Variants in CACNA1E observed in about 807,000 individuals in gnomAD.
CACNA1E encodes the protein voltage-dependent R-type calcium channel subunit alpha-1E.
In CACNA1E, 40 loss-of-function variants were observed where a neutral mutation model predicts 259.2. That is an observed-to-expected ratio of 0.15 (90% CI 0.12 to 0.20). The LOEUF (loss-of-function observed/expected upper bound fraction) is 0.20, where lower values mean the gene tolerates loss of function less well. CACNA1E is among the 10% of genes least tolerant of loss of function. CACNA1E has a pLI of 1.00. For synonymous variants in CACNA1E, 1,104 were observed against 1,138.5 expected, an observed-to-expected ratio of 0.97 and a Z score of 0.61; for missense variants, 1,874 against 3,040.1, an observed-to-expected ratio of 0.62 and a Z score of 9.02.
chr1:181,779,103 T>G (rs1168454346), intron 38 of CACNA1E, among the ~76,000 whole-genome samples: 1 of 152,220 alleles, frequency 6.6e-6, no homozygotes, highest in Non-Finnish European at 1.5e-5. Flanking sequence ...CATTTGTGAA[T>G]TGGCAGGCTT....
chr1:181,336,931 A>G (rs111738701), intron 1 of CACNA1E, among the ~76,000 whole-genome samples: 3 of 37,996 alleles, frequency 7.9e-5, no homozygotes, highest in Non-Finnish European at 2.0e-4. Context: ...ATATAATGTC[A>G]TATCTATTAC....
chr1:181,697,557 A>G (rs1366554504), intron 7 of CACNA1E, among the ~76,000 whole-genome samples: 1 of 152,226 alleles, frequency 6.6e-6, no homozygotes, highest in Non-Finnish European at 1.5e-5. Context: ...GTGCTTTTCA[A>G]ACTATCCGTG....
intron 1 of CACNA1E, among the ~76,000 whole-genome samples, chr1:181,380,194 C>T (rs1258767092): frequency 6.6e-6 from 1 of 151,764 alleles, no homozygotes; most frequent in African/African-American, 2.4e-5. Context: ...AAATACCGCA[C>T]TTGAAAGAGG....
chr1:181,621,542 A>C (rs1655718958), intron 6 of CACNA1E, among the ~76,000 whole-genome samples: 1 of 152,236 alleles, frequency 6.6e-6, no homozygotes, highest in Admixed American at 6.5e-5. Flanking sequence ...AAAATTCAAC[A>C]GTAATAATCC....
At chr1:181,482,772 C>T (rs952850345), upstream of CACNA1E, among the ~76,000 whole-genome samples, 2 of 152,264 alleles carry the variant, frequency 1.3e-5, no homozygotes, top group Non-Finnish European at 2.9e-5. Context: ...TGCCAGGCCG[C>T]CGCGAGGCTC....
intron 17 of CACNA1E, 83 bp from the exon 18 acceptor site, chr1:181,725,982 A>C: frequency 1.2e-6 from 1 of 859,784 alleles, no homozygotes; most frequent in South Asian, 1.5e-5. Context: ...TGGTATTCAG[A>C]ACTCCTCCTT....
chr1:181,371,005 G>T (rs1654668403), intron 1 of CACNA1E, among the ~76,000 whole-genome samples: 1 of 152,040 alleles, frequency 6.6e-6, no homozygotes, highest in African/African-American at 2.4e-5. Flanking sequence ...GTTTTGATTT[G>T]CATTTCTCTA....
chr1:181,595,062 T>G (rs1487527607), intron 6 of CACNA1E, among the ~76,000 whole-genome samples: 1 of 152,230 alleles, frequency 6.6e-6, no homozygotes, highest in Non-Finnish European at 1.5e-5. Context: ...AAAATATTGT[T>G]AGGATATTTC....
chr1:181,465,884 G>A (rs1247669054), intron 2 of CACNA1E, among the ~76,000 whole-genome samples: 1 of 151,930 alleles, frequency 6.6e-6, no homozygotes, highest in Non-Finnish European at 1.5e-5. Flanking sequence ...CCATGGAAAT[G>A]CAGTGTACTC....
rs189792952 is a variant in CACNA1E, at chr1:181,750,485, G to A, written c.3729G>A (p.Leu1243=). 66 of 1,613,082 alleles carry A rather than the reference G, an allele frequency of 4.1e-5. No homozygotes were observed. The highest frequency in any genetic ancestry group is 5.3e-5 in the Non-Finnish European group (63 of 1,179,296). The change falls in exon 26 of 48, where the codon TTG becomes TTA. Residue 1243 remains leucine (L), a splice_region_variant and synonymous_variant. Coordinates refer to ENST00000367573, the MANE Select transcript of CACNA1E (RefSeq NM_001205293.3). ...ALVAFALANA[L]GTNKGRDIKT... is the part of the protein sequence containing the mutation. The stretch of plus-strand genomic sequence containing the variant: ...ATTGGATCCTCCATAGGAACGCTTT[G>A]GGGTAAATATGTTCGATTATCTTTG...
chr1:181,585,564 T>C (rs1390233275), intron 6 of CACNA1E, among the ~76,000 whole-genome samples: 1 of 152,114 alleles, frequency 6.6e-6, no homozygotes, highest in Non-Finnish European at 1.5e-5. Context: ...TGATAGATGC[T>C]GTGGAGAAAA....
intron 1 of CACNA1E, among the ~76,000 whole-genome samples, chr1:181,378,717 A>T (rs1655263759): frequency 6.6e-6 from 1 of 152,238 alleles, no homozygotes; most frequent in Non-Finnish European, 1.5e-5. Context: ...TATTCTCAGT[A>T]GGCTGACTGG....
rs34600959 is a variant in CACNA1E at position 181,790,307 on chromosome 1, T to TTTTA, written c.5787-138_5787-137insTTTA. The stretch of plus-strand genomic sequence containing the variant: ...TTCTAGTGCTTTTTTTTTTTTTTTT[T>TTTTA]AATTTCAGGACTAGCCACATGTAAG... On this transcript the variant is annotated intron_variant, in intron 43 of 47. Transcript: ENST00000367573. 2.4e-3 allele frequency: 1,066 copies of TTTTA among 437,064 alleles called. 3 individuals carry two copies. Among genetic ancestry groups the TTTTA allele is most frequent in the African/African-American group, 0.012 (596 of 48,654 alleles). 27.1% of individuals were successfully genotyped at this position (437,064 alleles called of 1,614,324 possible).
chr1:181,788,639 G>C (rs1037356028), intron 43 of CACNA1E, among the ~76,000 whole-genome samples: 1 of 152,172 alleles, frequency 6.6e-6, no homozygotes, highest in African/African-American at 2.4e-5. Flanking sequence ...AGTTCAGGGA[G>C]CAAAGGGGAA....
chr1:181,346,828 G>A (rs1005053122), intron 1 of CACNA1E, among the ~76,000 whole-genome samples: 6 of 152,130 alleles, frequency 3.9e-5, no homozygotes, highest in Non-Finnish European at 7.4e-5. Flanking sequence ...ATACTGGGAC[G>A]AAGTAGCTGC....
intron 12 of CACNA1E, among the ~76,000 whole-genome samples, chr1:181,718,943 C>T (rs1654180645): frequency 6.6e-6 from 1 of 152,178 alleles, no homozygotes; most frequent in Non-Finnish European, 1.5e-5. Context: ...GCTCCTGAAC[C>T]ACTTCTCTTT....
intron 2 of CACNA1E, among the ~76,000 whole-genome samples, chr1:181,426,498 T>A (rs74127790): frequency 0.41 from 55,696 of 136,178 alleles, 11,503 homozygotes; most frequent in African/African-American, 0.47. Flanking sequence ...CCTTCAAAAC[T>A]CAACCCCTTC....
At chr1:181,682,950 C>A (rs944698927) in intron 7 of CACNA1E, among the ~76,000 whole-genome samples, 1 of 152,206 alleles carries the variant, frequency 6.6e-6, no homozygotes, top group Non-Finnish European at 1.5e-5. Context: ...GAACACAGAT[C>A]CAAACCATAT....
intron 6 of CACNA1E, among the ~76,000 whole-genome samples, chr1:181,581,174 A>G (rs945393840): frequency 7.9e-5 from 12 of 152,114 alleles, no homozygotes; most frequent in Non-Finnish European, 2.9e-5. Context: ...CCCCCTCAGG[A>G]TCTGGGAGAA....
Sources: allele counts gnomAD v4.1 joint callset (sites outside exome capture counted in the v4.1 genomes callset), GRCh38; gene constraint gnomAD v4.1.1; transcripts MANE v1.5; gene names NCBI Gene and HGNC (gene_info 2026-07-23, HGNC 2026-07-21).